SLC13A2: variants seen among roughly 807,000 people sequenced by gnomAD.
SLC13A2 encodes solute carrier family 13 member 2, also known as Na(+)-coupled citrate transporter.
A neutral mutation model predicts 58.5 loss-of-function variants in SLC13A2; 40 were observed. The ratio of observed to expected loss-of-function variants is 0.68; its 90% CI spans 0.53 to 0.89. The LOEUF is 0.89. Among genes scored for constraint, SLC13A2 ranks in the 40% least tolerant of loss-of-function variants. The pLI is 0.00. For synonymous variants in SLC13A2, 341 were observed against 331.6 expected, an observed-to-expected ratio of 1.03 and a Z score of -0.31; for missense variants, 694 against 772.6, an observed-to-expected ratio of 0.90 and a Z score of 1.21.
chr17:28,489,411 C>T, intron 2 of SLC13A2, 69 bp downstream of exon 2: 2 of 1,526,762 alleles, frequency 1.3e-6, no homozygotes, highest in Non-Finnish European at 1.8e-6. Context: ...TCCCTCAGCC[C>T]TTGTTGACAA....
chr17:28,493,824 T>C, intron 7 of SLC13A2, 35 bp downstream of exon 7: 1 of 1,607,706 alleles, frequency 6.2e-7, no homozygotes, highest in Non-Finnish European at 8.5e-7. Flanking sequence ...AGGACACATC[T>C]GGGGCTCACA....
At chr17:28,495,965 TC>T (rs1379233995) in intron 10 of SLC13A2, 149 bp downstream of exon 10, 2 of 1,083,366 alleles carry the variant, frequency 1.8e-6, no homozygotes, top group African/African-American at 3.2e-5. Context: ...TTCTCCAGGC[TC>T]TTGAGCCACC....
intron 1 of SLC13A2, among the ~76,000 whole-genome samples, chr17:28,480,277 T>C (rs1435563004): frequency 1.3e-5 from 2 of 151,962 alleles, no homozygotes; most frequent in Non-Finnish European, 2.9e-5. Flanking sequence ...AAGGCTGAAG[T>C]GAGCAGTGAT....
Position 28,490,731 on chromosome 17 carries a change from C to T in SLC13A2, c.399C>T (p.Ala133=). The T allele has an allele frequency of 6.2e-7, 1 of 1,614,130 alleles. No individual in the cohort carries two copies. The highest frequency in any genetic ancestry group is 1.3e-5 in the African/African-American group (1 of 75,052). Residue 133 remains alanine (A), a synonymous_variant, in exon 4 of 12, where the codon GCC becomes GCT. Transcript: ENST00000314669. ...TCCTGGGCTTCATGCTGGTCACGGCCTTCCTGTCCATGTGGATCAGCAACA... is the reference window on the plus strand; with the variant it reads ...TCCTGGGCTTCATGCTGGTCACGGCTTTCCTGTCCATGTGGATCAGCAACA... ...PLILGFMLVT[A]FLSMWISNTA...
intron 1 of SLC13A2, among the ~76,000 whole-genome samples, chr17:28,475,846 A>G (rs2068661641): frequency 6.6e-6 from 1 of 152,028 alleles, no homozygotes. Context: ...GAGGTTTTCC[A>G]GGGTCCCCAC....
At chr17:28,481,004 G>T (rs1555601026) in intron 1 of SLC13A2, among the ~76,000 whole-genome samples, 1 of 152,178 alleles carries the variant, frequency 6.6e-6, no homozygotes, top group Non-Finnish European at 1.5e-5. Context: ...CCCTGGCGTA[G>T]AGTCCCCAAC....
chr17:28,481,484 G>C (rs1487010280), intron 1 of SLC13A2, among the ~76,000 whole-genome samples: 1 of 152,228 alleles, frequency 6.6e-6, no homozygotes, highest in African/African-American at 2.4e-5. Flanking sequence ...ATGCTGTTGG[G>C]CACAGGGAAG....
At position 28,493,725 on chromosome 17, in the gene SLC13A2, AC is replaced by A; in HGVS notation, c.1036del (p.Arg346GlyfsTer34). 6.2e-7 allele frequency: 1 copy of A among 1,614,128 alleles called. No individual in the cohort carries two copies. The highest frequency in any genetic ancestry group is 8.5e-7 in the Non-Finnish European group (1 of 1,180,018). ...CGTCATCCTGGTGCTGCTCTGGTTCACCCGGGAGCCGGGCTTTTTTCTTGGC... is the reference window on the plus strand; with the variant it reads ...CGTCATCCTGGTGCTGCTCTGGTTCACCGGGAGCCGGGCTTTTTTCTTGGC... ...LFVILVLLWF[T>X]REPGFFLGWG... On this transcript the variant is annotated frameshift_variant, in exon 7 of 12. Transcript: ENST00000314669. LOFTEE classifies it high-confidence loss of function.
intron 1 of SLC13A2, among the ~76,000 whole-genome samples, chr17:28,481,336 T>G (rs1409323356): frequency 1.3e-5 from 2 of 152,160 alleles, no homozygotes; most frequent in African/African-American, 4.8e-5. Context: ...GTCATTCACA[T>G]CAAGGTGTGC....
At chr17:28,489,147 A>AC in intron 1 of SLC13A2, 67 bp from the exon 2 acceptor site, 1 of 1,570,920 alleles carries the variant, frequency 6.4e-7, no homozygotes. Context: ...TGTCTGACAG[A>AC]CAGGAGGTGG....
rs9906373 is a variant in SLC13A2 at position 28,496,135 on chromosome 17, G to A, written c.1471-315G>A. On this transcript the variant is annotated intron_variant, in intron 10 of 11. Coordinates refer to ENST00000314669, the MANE Select transcript of SLC13A2 (RefSeq NM_003984.4). This position sits in a 1 kb window ranked among gnomAD's most constrained non-coding sequence, Gnocchi z 4.2. ...ACGGGGTGAAATTGCTCCCCGAAGC[G>A]TCCCAAGCCCCTTCCTCCCCAGGCG... Among the ~76,000 whole-genome samples the A allele has an allele frequency of 0.033, 4,995 of 152,126 alleles. 281 individuals carry two copies. Among genetic ancestry groups the A allele is most frequent in the African/African-American group, 0.11 (4,731 of 41,462 alleles).
chr17:28,477,441 G>T (rs868910802), intron 1 of SLC13A2, among the ~76,000 whole-genome samples: 1 of 151,792 alleles, frequency 6.6e-6, no homozygotes, highest in African/African-American at 2.4e-5. Flanking sequence ...TGATCCGCCC[G>T]CCTTGGCCTC....
chr17:28,488,607 A>T (rs1246179118), intron 1 of SLC13A2, among the ~76,000 whole-genome samples: 2 of 152,178 alleles, frequency 1.3e-5, no homozygotes, highest in Non-Finnish European at 2.9e-5. Context: ...ATTGCCCCAC[A>T]ATTCCCTGCA....
chr17:28,495,987 A>G (rs1190074093), intron 10 of SLC13A2, among the ~76,000 whole-genome samples, 171 bp downstream of exon 10: 1 of 152,042 alleles, frequency 6.6e-6, no homozygotes, highest in African/African-American at 2.4e-5. Context: ...TTGGGCCCCA[A>G]GGCGCTTTGG....
Position 28,491,816 on chromosome 17 carries a change from C to T in SLC13A2, c.842C>T (p.Ala281Val), listed in dbSNP as rs1555603570. 8 of 1,614,050 alleles carry T rather than the reference C, an allele frequency of 5.0e-6. No individual in the cohort carries two copies. The highest frequency in any genetic ancestry group is 6.8e-6 in the Non-Finnish European group (8 of 1,180,018). ...ACCATGGTCATCTTGCTGCTGCTGG[C>T]CTGGTTGTGGCTGCAGATCCTCTTC... ...FPTMVILLLL[A>V]WLWLQILFLG... is the part of the protein sequence containing the mutation. The change falls in exon 6 of 12, where the codon GCC (alanine) becomes GTC (valine). Residue 281 changes from alanine to valine, a missense_variant. Transcript: ENST00000314669.
chr17:28,487,959 A>T (rs1449692808), intron 1 of SLC13A2, among the ~76,000 whole-genome samples: 3 of 152,106 alleles, frequency 2.0e-5, no homozygotes, highest in African/African-American at 7.2e-5. Context: ...AAAGTTACCC[A>T]ATCCCAATCC....
In SLC13A2 at chr17:28,493,692, A is replaced by G. The variant is rs782259738; in HGVS notation, c.1000A>G (p.Ile334Val). The change falls in exon 7 of 12, where the codon ATC becomes GTC. Residue 334 changes from isoleucine (I) to valine (V), a missense_variant. Ile to Val is a conservative substitution (Grantham distance 29). Transcript: ENST00000314669. The part of the protein sequence containing the change: ...PMTFAEKAIS[I>V]LFVILVLLWF... ...GACCTTTGCAGAAAAGGCCATCAGCATCCTATTCGTCATCCTGGTGCTGCT... is the reference window on the plus strand; with the variant it reads ...GACCTTTGCAGAAAAGGCCATCAGCGTCCTATTCGTCATCCTGGTGCTGCT... The G allele has an allele frequency of 6.2e-7, 1 of 1,614,228 alleles. No homozygotes were observed. The highest frequency in any genetic ancestry group is 8.5e-7 in the Non-Finnish European group (1 of 1,180,052).
chr17:28,477,485 T>G (rs146580808), intron 1 of SLC13A2, among the ~76,000 whole-genome samples: 2,388 of 150,416 alleles, frequency 0.016, 63 homozygotes, highest in East Asian at 0.073. Flanking sequence ...TGAGCCACCA[T>G]GCCCGGCCAC....
chr17:28,474,653 CTG>C (rs2068640982), intron 1 of SLC13A2, among the ~76,000 whole-genome samples: 1 of 152,154 alleles, frequency 6.6e-6, no homozygotes, highest in Non-Finnish European at 1.5e-5. Context: ...GGGCCCCACT[CTG>C]TAAGAAAAAG....
Sources: gnomAD v4.1 joint callset for allele counts (sites outside exome capture counted in the v4.1 genomes callset) on GRCh38, gnomAD v4.1.1 for gene constraint, Gnocchi (gnomAD v3.1) non-coding constraint, MANE v1.5 for transcripts, NCBI Gene and HGNC (gene_info 2026-07-23, HGNC 2026-07-21) for gene names.